Variants in FAM168A observed in about 807,000 individuals in gnomAD.
The protein encoded by FAM168A is family with sequence similarity 168 member A.
FAM168A carries 3 observed loss-of-function variants against 28.5 expected under a neutral mutation model. The observed-to-expected ratio is 0.11, with a 90% CI of 0.05 to 0.27. The LOEUF (loss-of-function observed/expected upper bound fraction) is 0.27, where lower values mean the gene tolerates loss of function less well. FAM168A is among the 10% of genes least tolerant of loss of function. The pLI is 1.00. For synonymous variants in FAM168A, 122 were observed against 124.2 expected (o/e 0.98, Z 0.12); for missense variants, 222 against 311.5 (o/e 0.71, Z 2.16).
At chr11:73,411,623 A>G in intron 4 of FAM168A, 87 bp from the exon 5 acceptor site, 1 of 1,377,754 alleles carries the variant, frequency 7.3e-7, no homozygotes, top group South Asian at 1.2e-5. Context: ...GACTCCCCAG[A>G]CAAAGATGGG....
intron 1 of FAM168A, among the ~76,000 whole-genome samples, chr11:73,591,679 T>C (rs1944383529): frequency 6.6e-6 from 1 of 152,110 alleles, no homozygotes; most frequent in African/African-American, 2.4e-5. Flanking sequence ...CCAGATAATA[T>C]TTTTGTTTTT....
At chr11:73,541,505 T>TG (rs1943657203) in intron 1 of FAM168A, among the ~76,000 whole-genome samples, 1 of 151,888 alleles carries the variant, frequency 6.6e-6, no homozygotes. Context: ...CCCGAGCAGC[T>TG]GGGACTACAG....
At chr11:73,524,837 T>C (rs1943430045) in intron 1 of FAM168A, among the ~76,000 whole-genome samples, 2 of 152,138 alleles carry the variant, frequency 1.3e-5, no homozygotes, top group South Asian at 4.1e-4. Flanking sequence ...GGCCTCAAGA[T>C]GATCCACCTG....
chr11:73,454,589 C>T (rs960914140), intron 2 of FAM168A, among the ~76,000 whole-genome samples: 5 of 151,814 alleles, frequency 3.3e-5, no homozygotes, highest in African/African-American at 9.7e-5. Flanking sequence ...CCTGAAACCG[C>T]GGCCCAAAGT....
intron 3 of FAM168A, among the ~76,000 whole-genome samples, chr11:73,429,013 CAG>C (rs1866937788): frequency 6.6e-6 from 1 of 152,070 alleles, no homozygotes; most frequent in Non-Finnish European, 1.5e-5. Context: ...GTCCAAAAAA[CAG>C]GGGCTGTCTG....
At chr11:73,522,215 A>AC (rs1049616561) in intron 1 of FAM168A, among the ~76,000 whole-genome samples, 4 of 151,736 alleles carry the variant, frequency 2.6e-5, no homozygotes, top group African/African-American at 9.7e-5. Flanking sequence ...AAAAAAAAAA[A>AC]AATGGACATG....
intron 3 of FAM168A, among the ~76,000 whole-genome samples, chr11:73,429,068 C>A (rs1390813330): frequency 6.6e-6 from 1 of 152,104 alleles, no homozygotes; most frequent in Non-Finnish European, 1.5e-5. Context: ...ATGATTCCTA[C>A]TTAGAGATGG....
intron 1 of FAM168A, among the ~76,000 whole-genome samples, chr11:73,572,280 C>T (rs1263657768): frequency 2.8e-4 from 42 of 151,976 alleles, no homozygotes; most frequent in Admixed American, 2.6e-3. Context: ...CCCGGCCAGC[C>T]GCCCCGTCCA....
In FAM168A at chr11:73,458,245, A is replaced by T. The variant is rs1457556795; in HGVS notation, c.70+10160T>A. Among the ~76,000 whole-genome samples the T allele has an allele frequency of 1.3e-5, 2 of 152,176 alleles. 1 individual carries two copies. The highest frequency in any genetic ancestry group is 6.3e-3 in the Middle Eastern group (2 of 316). On this transcript the variant is annotated intron_variant, in intron 2 of 7. Transcript: ENST00000356467. ...AGGAGCAGAAAAATAATAACCCAAC[A>T]ACAGCAATACTTCTTTGTTTGGGAG...
intron 3 of FAM168A, among the ~76,000 whole-genome samples, chr11:73,422,105 A>G (rs1277829224): frequency 6.6e-6 from 1 of 152,218 alleles, no homozygotes; most frequent in Non-Finnish European, 1.5e-5. Context: ...CGTGGGTCAC[A>G]GTCACCGCAC....
chr11:73,467,399 C>T (rs915111538), intron 2 of FAM168A, among the ~76,000 whole-genome samples: 12 of 151,776 alleles, frequency 7.9e-5, no homozygotes, highest in African/African-American at 2.9e-4. Context: ...TATTCTCTGA[C>T]AGAGCTGGGA....
chr11:73,453,504 A>G (rs1867470234), intron 2 of FAM168A, among the ~76,000 whole-genome samples: 2 of 152,230 alleles, frequency 1.3e-5, no homozygotes, highest in Admixed American at 1.3e-4. Context: ...AACCCTCAAG[A>G]TAAGAAAAGT....
intron 4 of FAM168A, among the ~76,000 whole-genome samples, chr11:73,414,683 A>G (rs1177275089): frequency 6.6e-6 from 1 of 152,260 alleles, no homozygotes; most frequent in Non-Finnish European, 1.5e-5. Flanking sequence ...TACCTGACAT[A>G]TTAGAAGCAC....
chr11:73,595,684 T>C (rs916542888), intron 1 of FAM168A, among the ~76,000 whole-genome samples: 2 of 152,220 alleles, frequency 1.3e-5, no homozygotes. Context: ...AAGGTTTAAA[T>C]CGAATTTCTG....
chr11:73,460,438 A>G (rs552087333), intron 2 of FAM168A, among the ~76,000 whole-genome samples: 1 of 151,242 alleles, frequency 6.6e-6, no homozygotes, highest in East Asian at 1.9e-4. Flanking sequence ...ACTCTGTACC[A>G]GTCACTGTGC....
At chr11:73,443,598 C>T (rs888748366) in intron 2 of FAM168A, among the ~76,000 whole-genome samples, 3 of 152,106 alleles carry the variant, frequency 2.0e-5, no homozygotes, top group Admixed American at 2.0e-4. Context: ...AGGTCATGTC[C>T]CCTTCCCTAC....
Position 73,411,528 on chromosome 11 carries a change from C to T in FAM168A, c.286G>A (p.Ala96Thr). ...GGTGGGACCTTGTATGGTGTCCCCGCAGTATATCCTGTACCAAGGCAATAA... is the reference window on the plus strand; with the variant it reads ...GGTGGGACCTTGTATGGTGTCCCCGTAGTATATCCTGTACCAAGGCAATAA... ...QASSAAFRYT[A>T]GTPYKVPPTQ... Residue 96 changes from alanine to threonine, a missense_variant, in exon 5 of 8, where the codon GCG becomes ACG. Around this residue, in one of 3 missense-constraint regions of FAM168A, gnomAD observed 153 missense variants for 189.2 expected, o/e 0.81. Transcript: ENST00000356467. The T allele has an allele frequency of 6.2e-7, 1 of 1,614,002 alleles. No homozygotes were observed. Among genetic ancestry groups the T allele is most frequent in the Non-Finnish European group, 8.5e-7 (1 of 1,179,966 alleles).
intron 3 of FAM168A, among the ~76,000 whole-genome samples, chr11:73,426,355 GAA>G (rs1866884307): frequency 1.3e-5 from 2 of 152,296 alleles, no homozygotes; most frequent in Admixed American, 1.3e-4. Context: ...CAGAACCAAT[GAA>G]AAGAGTGAAA....
intron 1 of FAM168A, among the ~76,000 whole-genome samples, chr11:73,565,797 T>C (rs1944014421): frequency 6.6e-6 from 1 of 152,154 alleles, no homozygotes; most frequent in African/African-American, 2.4e-5. Context: ...TATTAAACAT[T>C]GGTGATTTGT....
Sources: allele counts gnomAD v4.1 joint callset (sites outside exome capture counted in the v4.1 genomes callset), GRCh38; gene constraint gnomAD v4.1.1; regional missense constraint gnomAD v4.1.1; transcripts MANE v1.5; gene names NCBI Gene and HGNC (gene_info 2026-07-23, HGNC 2026-07-21).